Variants in PLXNA4 observed in about 807,000 individuals in gnomAD.
PLXNA4 encodes plexin-A4.
Under a neutral mutation model 191.8 loss-of-function variants are expected in PLXNA4, and 44 were observed. That is an observed-to-expected ratio of 0.23 (90% CI 0.18 to 0.29). The LOEUF (loss-of-function observed/expected upper bound fraction) is 0.29. Among genes scored for constraint, PLXNA4 ranks in the 10% least tolerant of loss-of-function variants. The pLI, the probability that PLXNA4 is intolerant of heterozygous loss-of-function variation, is 1.00. For synonymous variants in PLXNA4, 1,082 were observed against 1,009.5 expected (o/e 1.07, Z -1.36); for missense variants, 1,800 against 2,488.8 (o/e 0.72, Z 5.89).
chr7:132,298,768 C>T (rs1268868190), intron 3 of PLXNA4, among the ~76,000 whole-genome samples: 1 of 152,252 alleles, frequency 6.6e-6, no homozygotes, highest in African/African-American at 2.4e-5. Context: ...GTGGCTTATA[C>T]TTATACCATT....
At chr7:132,229,153 G>A (rs1485750425) in intron 5 of PLXNA4, among the ~76,000 whole-genome samples, 1 of 152,192 alleles carries the variant, frequency 6.6e-6, no homozygotes, top group Admixed American at 6.5e-5. Flanking sequence ...CCTCATGTAG[G>A]CAGGTGGGAG....
intron 1 of PLXNA4, among the ~76,000 whole-genome samples, chr7:132,547,520 G>A (rs999772149): frequency 2.0e-5 from 3 of 152,164 alleles, no homozygotes; most frequent in Non-Finnish European, 2.9e-5. Flanking sequence ...ATGCAGGCAT[G>A]GGTAAGTGTA....
chr7:132,518,657 C>T (rs1799043180), intron 1 of PLXNA4, among the ~76,000 whole-genome samples: 1 of 152,178 alleles, frequency 6.6e-6, no homozygotes, highest in Non-Finnish European at 1.5e-5. Flanking sequence ...CGCGGGGCTC[C>T]CTTCATCCTT....
chr7:132,179,147 TCACACA>T (rs36103959), intron 20 of PLXNA4, among the ~76,000 whole-genome samples: 5 of 59,894 alleles, frequency 8.3e-5, no homozygotes, highest in African/African-American at 3.5e-4. Context: ...ACGTGCGTGC[TCACACA>T]CACACACACA....
intron 10 of PLXNA4, 43 bp from the exon 11 acceptor site, chr7:132,203,462 C>G (rs748131607): frequency 1.9e-6 from 3 of 1,567,330 alleles, no homozygotes; most frequent in Admixed American, 1.7e-5. Context: ...AGTGGGGTCA[C>G]AGAGAGTTCT....
At chr7:132,492,573 A>C (rs1267764863) in intron 2 of PLXNA4, among the ~76,000 whole-genome samples, 1 of 152,180 alleles carries the variant, frequency 6.6e-6, no homozygotes, top group African/African-American at 2.4e-5. Flanking sequence ...CCTTTGACCA[A>C]GCACCGTCCA....
intron 31 of PLXNA4, 100 bp downstream of exon 31, chr7:132,132,949 A>G: frequency 6.7e-7 from 1 of 1,496,842 alleles, no homozygotes; most frequent in Non-Finnish European, 8.9e-7. Flanking sequence ...GCAGAGGTGG[A>G]TGTGTCTGTG....
At chr7:132,448,198 G>A (rs1795984256) in intron 3 of PLXNA4, among the ~76,000 whole-genome samples, 1 of 152,162 alleles carries the variant, frequency 6.6e-6, no homozygotes, top group Non-Finnish European at 1.5e-5. Flanking sequence ...TTTTATGGAA[G>A]CTTCCATTTT....
At chr7:132,509,980 G>C (rs1458973544) in intron 1 of PLXNA4, among the ~76,000 whole-genome samples, 1 of 152,180 alleles carries the variant, frequency 6.6e-6, no homozygotes, top group Non-Finnish European at 1.5e-5. Context: ...GAGAAAAAAT[G>C]CTTTAAGAAG....
At chr7:132,452,173 A>G (rs1037615334) in intron 3 of PLXNA4, among the ~76,000 whole-genome samples, 1 of 152,252 alleles carries the variant, frequency 6.6e-6, no homozygotes, top group Non-Finnish European at 1.5e-5. Context: ...GGCCAGGAGG[A>G]TAATTCCAAA....
chr7:132,145,149 G>T lies in PLXNA4; in HGVS notation c.5195C>A (p.Pro1732Gln). ...EQADKHGIHDPHVRHTWKSNC... is the reference protein window; with the variant it reads ...EQADKHGIHDQHVRHTWKSNC... ...GCTCTTCCAGGTATGGCGGACGTGC[G>T]GGTCATGAATGCCATGTTTATCAGC... The change falls in exon 29 of 32, where the codon CCG (proline) becomes CAG (glutamine). Residue 1732 changes from proline to glutamine, a missense_variant. Physicochemically the swap from Pro to Gln is moderately conservative, Grantham distance 76. Transcript: ENST00000321063. 1.9e-6 allele frequency: 3 copies of T among 1,614,090 alleles called. No homozygotes were observed. The highest frequency in any genetic ancestry group is 2.5e-6 in the Non-Finnish European group (3 of 1,180,008).
At chr7:132,624,014 A>G (rs945980608) in intron 2 of PLXNA4, among the ~76,000 whole-genome samples, 1 of 152,262 alleles carries the variant, frequency 6.6e-6, no homozygotes, top group South Asian at 2.1e-4. Flanking sequence ...CATATTGGCC[A>G]CATAGCATTT....
intron 2 of PLXNA4, among the ~76,000 whole-genome samples, chr7:132,617,073 A>G (rs988565126): frequency 6.6e-6 from 1 of 152,196 alleles, no homozygotes; most frequent in Non-Finnish European, 1.5e-5. Flanking sequence ...GGCTAAAGTG[A>G]GCAGCCATGT....
In PLXNA4 at chr7:132,208,886, C is replaced by T. The variant is rs373316612; in HGVS notation, c.2298+2057G>A. Among the ~76,000 whole-genome samples the T allele has an allele frequency of 4.8e-4, 73 of 152,308 alleles. No individual in the cohort carries two copies. The Middle Eastern group carries it at 0.01, about 21-fold the overall frequency. ...TGGTGCTGCGGAGACCCTGTTTGTG[C>T]TCTTGTTCCCAGGAGGCTCTGATTT... On this transcript the variant is annotated intron_variant, in intron 10 of 31. Coordinates refer to ENST00000321063, the MANE Select transcript of PLXNA4 (RefSeq NM_020911.2).
chr7:132,563,019 T>C (rs1490298602), intron 1 of PLXNA4, among the ~76,000 whole-genome samples: 71 of 38,488 alleles, frequency 1.8e-3, no homozygotes, highest in Admixed American at 2.2e-3. Context: ...CCTCTTTCTC[T>C]TCCTCTTTCT....
chr7:132,446,058 C>T (rs541792517), intron 3 of PLXNA4, among the ~76,000 whole-genome samples: 1 of 152,146 alleles, frequency 6.6e-6, no homozygotes, highest in Non-Finnish European at 1.5e-5. Context: ...GAAGGGAAGG[C>T]CCAAGGCGGG....
chr7:132,531,273 C>CTG (rs1410231532), intron 1 of PLXNA4, among the ~76,000 whole-genome samples: 1 of 152,144 alleles, frequency 6.6e-6, no homozygotes, highest in Non-Finnish European at 1.5e-5. Flanking sequence ...TACAGACACA[C>CTG]TGTAGTCCTC....
intron 3 of PLXNA4, among the ~76,000 whole-genome samples, chr7:132,334,209 G>A (rs1802714990): frequency 6.8e-6 from 1 of 146,050 alleles, no homozygotes; most frequent in African/African-American, 2.6e-5. Flanking sequence ...GTCTCCTGGT[G>A]CTTTATAAGA....
At chr7:132,426,984 C>G (rs1206580658) in intron 3 of PLXNA4, among the ~76,000 whole-genome samples, 1 of 152,148 alleles carries the variant, frequency 6.6e-6, no homozygotes, top group African/African-American at 2.4e-5. Context: ...CCTGTACCCC[C>G]TTGGGACCAA....
Sources: gnomAD v4.1 joint callset for allele counts (sites outside exome capture counted in the v4.1 genomes callset) on GRCh38, gnomAD v4.1.1 for gene constraint, MANE v1.5 for transcripts, NCBI Gene and HGNC (gene_info 2026-07-23, HGNC 2026-07-21) for gene names.